Variants in KCNIP4 observed in about 807,000 individuals in gnomAD.
KCNIP4 encodes Kv channel-interacting protein 4.
Under a neutral mutation model 34.0 loss-of-function variants are expected in KCNIP4, and 12 were observed. That is an observed-to-expected ratio of 0.35 (90% confidence interval 0.23 to 0.57). The LOEUF (loss-of-function observed/expected upper bound fraction) is 0.57, where lower values mean the gene tolerates loss of function less well. Among genes scored for constraint, KCNIP4 ranks in the 20% least tolerant of loss-of-function variants. The pLI, the probability that KCNIP4 is intolerant of heterozygous loss-of-function variation, is 0.83. For missense variants in KCNIP4, 238 were observed against 311.7 expected (o/e 0.76, Z 1.78); for synonymous variants, 124 against 102.2 (o/e 1.21, Z -1.29).
At chr4:21,186,234 C>A (rs115414014) in intron 1 of KCNIP4, among the ~76,000 whole-genome samples, 13,799 of 152,108 alleles carry the variant, frequency 0.091, 714 homozygotes, top group East Asian at 0.19. Flanking sequence ...AGACTACAGC[C>A]AAATTGTCAT....
chr4:21,409,787 T>A (rs1358935559), intron 1 of KCNIP4, among the ~76,000 whole-genome samples: 1 of 152,150 alleles, frequency 6.6e-6, no homozygotes, highest in Non-Finnish European at 1.5e-5. Flanking sequence ...TGATGGGAAC[T>A]GAGGGGACCA....
At chr4:21,911,318 A>G (rs1056445965) in intron 1 of KCNIP4, among the ~76,000 whole-genome samples, 4 of 152,126 alleles carry the variant, frequency 2.6e-5, no homozygotes, top group Non-Finnish European at 5.9e-5. Context: ...TGTGGCAGCT[A>G]TTTACATATT....
intron 1 of KCNIP4, among the ~76,000 whole-genome samples, chr4:20,982,592 C>T (rs558361501): frequency 4.6e-5 from 7 of 152,246 alleles, no homozygotes; most frequent in South Asian, 2.1e-4. Context: ...AAAGAAGATA[C>T]GAAGATTACA....
intron 1 of KCNIP4, among the ~76,000 whole-genome samples, chr4:21,140,450 T>G (rs536033915): frequency 9.4e-4 from 143 of 152,282 alleles, no homozygotes; most frequent in African/African-American, 3.3e-3. Context: ...CTTAATTAAC[T>G]AATTAACTAA....
chr4:21,404,136 C>G (rs1334446486), intron 1 of KCNIP4, among the ~76,000 whole-genome samples: 1 of 152,182 alleles, frequency 6.6e-6, no homozygotes, highest in Non-Finnish European at 1.5e-5. Context: ...TGGGGGGGCT[C>G]TCCCAGCAGA....
chr4:21,165,709 C>T (rs1416330853), intron 1 of KCNIP4, among the ~76,000 whole-genome samples: 1 of 152,116 alleles, frequency 6.6e-6, no homozygotes, highest in African/African-American at 2.4e-5. Context: ...TTTGAAAATT[C>T]TGGTCTTTTA....
intron 1 of KCNIP4, among the ~76,000 whole-genome samples, chr4:21,710,366 T>G (rs542521686): frequency 6.6e-6 from 1 of 152,156 alleles, no homozygotes; most frequent in Non-Finnish European, 1.5e-5. Context: ...TTCAGGACCC[T>G]GCCATCGTGG....
chr4:21,748,621 G>A (rs190113033), intron 1 of KCNIP4, among the ~76,000 whole-genome samples: 2 of 152,234 alleles, frequency 1.3e-5, no homozygotes, highest in East Asian at 3.9e-4. Flanking sequence ...ACCCTGTTGT[G>A]AATCATTTAT....
intron 3 of KCNIP4, among the ~76,000 whole-genome samples, chr4:20,843,505 G>A (rs1428651389): frequency 6.6e-5 from 10 of 152,208 alleles, no homozygotes; most frequent in East Asian, 1.9e-4. Context: ...GGAGGCAGGC[G>A]GATCACCTGA....
At chr4:20,920,004 A>G (rs1446221217) in intron 1 of KCNIP4, among the ~76,000 whole-genome samples, 1 of 152,170 alleles carries the variant, frequency 6.6e-6, no homozygotes, top group Non-Finnish European at 1.5e-5. Flanking sequence ...GGTAATGTTT[A>G]TTGAATGGCT....
intron 1 of KCNIP4, among the ~76,000 whole-genome samples, chr4:21,609,147 A>AAGAAC (rs1280897644): frequency 2.0e-5 from 3 of 152,200 alleles, no homozygotes; most frequent in African/African-American, 7.2e-5. Context: ...GTTTAATAGG[A>AAGAAC]AGAACAGGAA....
At chr4:21,439,546 C>G (rs1727263979) in intron 1 of KCNIP4, among the ~76,000 whole-genome samples, 1 of 152,178 alleles carries the variant, frequency 6.6e-6, no homozygotes, top group Admixed American at 6.5e-5. Context: ...GACTTCCTTG[C>G]AAGTTAGGAT....
chr4:21,401,341 C>T (rs768260124), intron 1 of KCNIP4, among the ~76,000 whole-genome samples: 32 of 152,176 alleles, frequency 2.1e-4, no homozygotes, highest in Admixed American at 3.9e-4. Context: ...TGGACTTTCT[C>T]TTTAAGGAAT....
chr4:20,899,503 A>G (rs541028938), intron 1 of KCNIP4, among the ~76,000 whole-genome samples: 1 of 152,296 alleles, frequency 6.6e-6, no homozygotes, highest in African/African-American at 2.4e-5. Flanking sequence ...ATGTTTTCTG[A>G]TATCTTCTTA....
intron 1 of KCNIP4, among the ~76,000 whole-genome samples, chr4:21,293,299 C>T (rs1763647925): frequency 2.0e-5 from 3 of 152,090 alleles, no homozygotes; most frequent in Admixed American, 2.0e-4. Flanking sequence ...AAGTATGTTA[C>T]CCAATGTCAA....
chr4:20,948,494 C>T (rs572744271), intron 1 of KCNIP4, among the ~76,000 whole-genome samples: 2 of 152,330 alleles, frequency 1.3e-5, no homozygotes, highest in African/African-American at 2.4e-5. Flanking sequence ...ATATTACCCA[C>T]CACATGTGGT....
At chr4:21,816,198 A>G (rs1219792990) in intron 1 of KCNIP4, among the ~76,000 whole-genome samples, 1 of 152,224 alleles carries the variant, frequency 6.6e-6, no homozygotes, top group Non-Finnish European at 1.5e-5. Flanking sequence ...AGAAGAAGGG[A>G]CACTGCAAAA....
chr4:21,748,623 A>G (rs1716940003), intron 1 of KCNIP4, among the ~76,000 whole-genome samples: 1 of 152,166 alleles, frequency 6.6e-6, no homozygotes. Context: ...CCTGTTGTGA[A>G]TCATTTATCA....
intron 5 of KCNIP4, among the ~76,000 whole-genome samples, chr4:20,741,620 A>G (rs1751127825): frequency 6.6e-6 from 1 of 152,242 alleles, no homozygotes; most frequent in Non-Finnish European, 1.5e-5. Flanking sequence ...GAAAGCAGGA[A>G]AGATCTAAAA....
Sources: gnomAD v4.1 joint callset for allele counts (sites outside exome capture counted in the v4.1 genomes callset) on GRCh38, gnomAD v4.1.1 for gene constraint, MANE v1.5 for transcripts, NCBI Gene and HGNC (gene_info 2026-07-23, HGNC 2026-07-21) for gene names.